GSE1: variants seen among roughly 807,000 people sequenced by gnomAD.
GSE1 encodes genetic suppressor element 1.
Under a neutral mutation model 112.6 loss-of-function variants are expected in GSE1, and 32 were observed. That is an observed-to-expected ratio of 0.28 (90% CI 0.21 to 0.38). The LOEUF (loss-of-function observed/expected upper bound fraction) is 0.38, where lower values mean the gene tolerates loss of function less well. Among genes scored for constraint, GSE1 ranks in the 10% least tolerant of loss-of-function variants. The pLI is 1.00. For missense variants in GSE1, 2,348 were observed against 1,699.2 expected (o/e 1.38, Z -6.71); for synonymous variants, 1,115 against 735.6 (o/e 1.52, Z -8.35).
intron 1 of GSE1, among the ~76,000 whole-genome samples, chr16:85,615,409 CG>C (rs2048312867): frequency 6.6e-6 from 1 of 152,174 alleles, no homozygotes; most frequent in Non-Finnish European, 1.5e-5. Context: ...TGATCTCCTG[CG>C]GGCCGGGTGC....
At chr16:85,382,317 G>A (rs949841447) in intron 2 of GSE1, among the ~76,000 whole-genome samples, 2 of 152,196 alleles carry the variant, frequency 1.3e-5, no homozygotes, top group Non-Finnish European at 2.9e-5. Flanking sequence ...GGGCAGGGAC[G>A]GCCGCCTTGT....
chr16:85,431,491 A>T (rs571538750), intron 2 of GSE1, among the ~76,000 whole-genome samples: 2 of 152,358 alleles, frequency 1.3e-5, no homozygotes, highest in South Asian at 4.1e-4. Context: ...TTTGCAGGCC[A>T]CACTTGCAGA....
At chr16:85,212,775 G>C (rs977967171) in intron 1 of GSE1, among the ~76,000 whole-genome samples, 1 of 152,240 alleles carries the variant, frequency 6.6e-6, no homozygotes, top group African/African-American at 2.4e-5. Context: ...AAGATGGCCA[G>C]CTGTGTAGGA....
chr16:85,437,331 A>C (rs972748956), intron 2 of GSE1, among the ~76,000 whole-genome samples: 1 of 152,300 alleles, frequency 6.6e-6, no homozygotes, highest in Middle Eastern at 3.4e-3. Flanking sequence ...TTTTACATGT[A>C]AATAGAAGAA....
intron 3 of GSE1, among the ~76,000 whole-genome samples, chr16:85,651,593 C>T (rs1016066751): frequency 9.2e-5 from 14 of 152,158 alleles, no homozygotes; most frequent in South Asian, 2.1e-4. Flanking sequence ...CGGCCCACGG[C>T]GCGGGCAGCA....
At chr16:85,533,476 G>A (rs2044205052) in intron 2 of GSE1, among the ~76,000 whole-genome samples, 4 of 151,994 alleles carry the variant, frequency 2.6e-5, no homozygotes, top group Admixed American at 2.6e-4. Flanking sequence ...GTGTTATAAT[G>A]GAGAGATCTT....
At chr16:85,513,144 A>AC (rs1040108628) in intron 2 of GSE1, among the ~76,000 whole-genome samples, 2 of 150,770 alleles carry the variant, frequency 1.3e-5, no homozygotes, top group African/African-American at 4.9e-5. Context: ...CCCAGCAGGG[A>AC]CCCCCCAGCC....
chr16:85,304,609 T>TGGGGGGGGGGGGGG (rs34644508), intron 1 of GSE1, among the ~76,000 whole-genome samples: 1 of 110,940 alleles, frequency 9.0e-6, no homozygotes. Context: ...GGCGGGGGGG[T>TGGGGGGGGGGGGGG]GGGGCATCCC....
intron 2 of GSE1, among the ~76,000 whole-genome samples, chr16:85,434,710 G>C (rs140189478): frequency 0.012 from 1,776 of 152,296 alleles, 38 homozygotes; most frequent in African/African-American, 0.04. Context: ...CCCAGCTACC[G>C]GGGAGGCTGA....
At chr16:85,171,277 G>A in exon 1 of GSE1, 1 of 985,556 alleles carries the variant, frequency 1.0e-6, no homozygotes, top group Non-Finnish European at 1.2e-6. Context: ...GCCGGCGTCG[G>A]CCCAGGGCGG....
In GSE1 at chr16:85,466,702, AGAGAGAGAGAGG is replaced by A. The variant is rs1223301319; in HGVS notation, c.2464+109067_2464+109078del. Among the ~76,000 whole-genome samples, 48 of 95,266 alleles carry A rather than the reference AGAGAGAGAGAGG, an allele frequency of 5.0e-4. 1 individual carries two copies. The highest frequency in any genetic ancestry group is 4.7e-3 in the East Asian group (9 of 1,922). 62.5% of individuals were successfully genotyped at this position (95,266 alleles called of 152,430 possible). ...AAAAAAAAAAGAAATATATATATAT[AGAGAGAGAGAGG>A]GAGAGAGGGAGAGAGAGGGAGAGCG... On this transcript the variant is annotated intron_variant, in intron 2 of 2. Transcript: ENST00000637419.
At chr16:85,640,282 C>T (rs1425970644) in intron 2 of GSE1, among the ~76,000 whole-genome samples, 1 of 152,264 alleles carries the variant, frequency 6.6e-6, no homozygotes, top group Non-Finnish European at 1.5e-5. Context: ...CTCATGGTAC[C>T]TGCCCTGGAA....
At chr16:85,621,067 G>T (rs1389316293) in intron 1 of GSE1, among the ~76,000 whole-genome samples, 1 of 151,854 alleles carries the variant, frequency 6.6e-6, no homozygotes, top group East Asian at 1.9e-4. Context: ...CATTTAGATG[G>T]TTTCAGCCCT....
chr16:85,242,803 A>T (rs577149029), intron 1 of GSE1, among the ~76,000 whole-genome samples: 4 of 152,234 alleles, frequency 2.6e-5, no homozygotes, highest in South Asian at 2.1e-4. Flanking sequence ...TTATTTAATT[A>T]AATTAAATTA....
In GSE1 at chr16:85,463,640, C is replaced by T. The variant is rs548402138; in HGVS notation, c.2464+105997C>T. On this transcript the variant is annotated intron_variant, in intron 2 of 2. Transcript: ENST00000637419. ...TGTGGGACTGGAACTCTCAACCTACCCCTCCCCAAACTGCCCGATCACCTC... is the reference window on the plus strand; with the variant it reads ...TGTGGGACTGGAACTCTCAACCTACTCCTCCCCAAACTGCCCGATCACCTC... Among the ~76,000 whole-genome samples the T allele has an allele frequency of 2.6e-4, 40 of 152,248 alleles. No individual in the cohort carries two copies. The South Asian group carries it at 2.7e-3, about 10-fold the overall frequency.
At chr16:85,531,790 G>C (rs867256508) in intron 2 of GSE1, among the ~76,000 whole-genome samples, 2 of 152,334 alleles carry the variant, frequency 1.3e-5, no homozygotes, top group South Asian at 4.1e-4. Context: ...CTCAGGGAGG[G>C]GCCAGGTGCT....
chr16:85,665,897 G>T, intron 12 of GSE1, 79 bp from the exon 13 acceptor site: 2 of 1,389,924 alleles, frequency 1.4e-6, no homozygotes, highest in Non-Finnish European at 2.0e-6. Flanking sequence ...GTAAGCTCTA[G>T]AGACCAGGAT....
chr16:85,547,656 G>A (rs986486106), intron 2 of GSE1, among the ~76,000 whole-genome samples: 1 of 152,062 alleles, frequency 6.6e-6, no homozygotes, highest in Non-Finnish European at 1.5e-5. Context: ...CGGGGAGGGT[G>A]TATCACCTGA....
At chr16:85,415,409 C>G (rs1043086343) in intron 2 of GSE1, among the ~76,000 whole-genome samples, 13 of 152,220 alleles carry the variant, frequency 8.5e-5, no homozygotes, top group African/African-American at 2.7e-4. Context: ...ATGACTGTTA[C>G]TGGTGGCTTC....
Sources: allele counts gnomAD v4.1 joint callset (sites outside exome capture counted in the v4.1 genomes callset), GRCh38; gene constraint gnomAD v4.1.1; transcripts MANE v1.5; gene names NCBI Gene and HGNC (gene_info 2026-07-23, HGNC 2026-07-21).